Variants in ANKFN1 observed in about 807,000 individuals in gnomAD.
ANKFN1 encodes the protein ankyrin repeat and fibronectin type III domain containing 1, also known as ankyrin repeat and fibronectin type-III domain-containing protein 1.
ANKFN1 carries 74 observed loss-of-function variants against 108.7 expected under a neutral mutation model. The ratio of observed to expected loss-of-function variants is 0.68; its 90% CI spans 0.56 to 0.83. The LOEUF (loss-of-function observed/expected upper bound fraction) is 0.83, where lower values mean the gene tolerates loss of function less well. ANKFN1 is among the 40% of genes least tolerant of loss of function. The pLI, the probability that ANKFN1 is intolerant of heterozygous loss-of-function variation, is 0.00. For missense variants in ANKFN1, 1,505 were observed against 1,382.3 expected (o/e 1.09, Z -1.41); for synonymous variants, 547 against 516.2 (o/e 1.06, Z -0.81).
chr17:56,425,638 C>T (rs568559910), intron 8 of ANKFN1, among the ~76,000 whole-genome samples: 5 of 152,188 alleles, frequency 3.3e-5, no homozygotes, highest in Non-Finnish European at 5.9e-5. Context: ...ACCATGACTC[C>T]GTGCCTTTGC....
intron 3 of ANKFN1, among the ~76,000 whole-genome samples, chr17:56,314,583 G>A (rs2045143422): frequency 6.6e-6 from 1 of 152,100 alleles, no homozygotes; most frequent in Non-Finnish European, 1.5e-5. Flanking sequence ...CATTTGCAGG[G>A]TGACTACTAT....
chr17:56,250,538 A>G (rs1158742692), intron 3 of ANKFN1, among the ~76,000 whole-genome samples: 4 of 152,256 alleles, frequency 2.6e-5, no homozygotes, highest in Non-Finnish European at 5.9e-5. Context: ...GTAAATCACT[A>G]TCAATTTCTG....
chr17:56,387,001 A>G (rs1338276437), intron 8 of ANKFN1, among the ~76,000 whole-genome samples: 1 of 152,126 alleles, frequency 6.6e-6, no homozygotes, highest in Admixed American at 6.5e-5. Context: ...TGTTTAAATC[A>G]TGGTGATTAT....
At chr17:56,323,006 T>A (rs1326520125) in intron 3 of ANKFN1, among the ~76,000 whole-genome samples, 1 of 152,082 alleles carries the variant, frequency 6.6e-6, no homozygotes, top group Non-Finnish European at 1.5e-5. Context: ...GGGCTGGAGG[T>A]GTAGTGGCTG....
At chr17:56,266,307 A>C (rs1027466714) in intron 3 of ANKFN1, among the ~76,000 whole-genome samples, 4 of 152,162 alleles carry the variant, frequency 2.6e-5, no homozygotes, top group African/African-American at 9.7e-5. Context: ...TCCCAGACAC[A>C]TTGTTGTTGA....
At chr17:56,181,605 C>T (rs1911683146) in intron 1 of ANKFN1, among the ~76,000 whole-genome samples, 1 of 152,206 alleles carries the variant, frequency 6.6e-6, no homozygotes, top group Non-Finnish European at 1.5e-5. Flanking sequence ...GTAGACCAGT[C>T]AAGTGCAACT....
intron 4 of ANKFN1, among the ~76,000 whole-genome samples, chr17:56,127,236 T>G (rs184551854): frequency 1.3e-5 from 2 of 152,314 alleles, no homozygotes; most frequent in East Asian, 3.9e-4. Context: ...ACTAAATATA[T>G]TGTCCTCATA....
At chr17:56,419,871 T>C (rs1231282031) in intron 8 of ANKFN1, among the ~76,000 whole-genome samples, 1 of 152,082 alleles carries the variant, frequency 6.6e-6, no homozygotes, top group Non-Finnish European at 1.5e-5. Flanking sequence ...AATCTGATTT[T>C]GCTCTGTATA....
intron 4 of ANKFN1, among the ~76,000 whole-genome samples, chr17:56,074,288 G>A (rs1021023329): frequency 9.9e-5 from 15 of 152,262 alleles, no homozygotes; most frequent in South Asian, 2.1e-4. Context: ...GGGACCCAGC[G>A]GATATAACCT....
chr17:56,376,486 T>C (rs956634225), intron 8 of ANKFN1, among the ~76,000 whole-genome samples: 2 of 152,188 alleles, frequency 1.3e-5, no homozygotes, highest in African/African-American at 2.4e-5. Flanking sequence ...AGAGCAAGCA[T>C]TTCTGGGCAA....
At chr17:56,422,340 C>CCAAATATTTTGA (rs1277838933) in intron 8 of ANKFN1, among the ~76,000 whole-genome samples, 1 of 37,854 alleles carries the variant, frequency 2.6e-5, no homozygotes, top group Non-Finnish European at 5.4e-5. Flanking sequence ...TGGTTTTATA[C>CCAAATATTTTGA]CAAATATTTT....
intron 3 of ANKFN1, among the ~76,000 whole-genome samples, chr17:56,255,231 CA>C (rs539231539): frequency 9.0e-4 from 137 of 152,268 alleles, no homozygotes; most frequent in African/African-American, 2.9e-3. Flanking sequence ...GTCCTTGAAC[CA>C]GGGGCCCTCA....
intron 18 of ANKFN1, among the ~76,000 whole-genome samples, chr17:56,483,063 A>T (rs781408198): frequency 4.6e-5 from 7 of 152,204 alleles, no homozygotes; most frequent in Non-Finnish European, 1.0e-4. Flanking sequence ...AATAGACTCT[A>T]AATTTCTGAC....
chr17:56,415,954 AC>A (rs2048230691), intron 8 of ANKFN1, among the ~76,000 whole-genome samples: 1 of 152,210 alleles, frequency 6.6e-6, no homozygotes, highest in Non-Finnish European at 1.5e-5. Context: ...CCAAGAACGT[AC>A]ATTGGAGAAA....
intron 10 of ANKFN1, among the ~76,000 whole-genome samples, chr17:56,447,026 C>A (rs2049319065): frequency 6.6e-6 from 1 of 152,106 alleles, no homozygotes; most frequent in Non-Finnish European, 1.5e-5. Flanking sequence ...AGTTCGAGAC[C>A]AGCCTGGCCA....
intron 1 of ANKFN1, among the ~76,000 whole-genome samples, chr17:56,189,735 G>A (rs537977662): frequency 9.2e-5 from 14 of 152,222 alleles, no homozygotes; most frequent in African/African-American, 3.4e-4. Context: ...TCAGATATTA[G>A]GACTTGGACA....
intron 4 of ANKFN1, among the ~76,000 whole-genome samples, chr17:56,080,698 C>T (rs1372112682): frequency 6.6e-6 from 1 of 152,184 alleles, no homozygotes; most frequent in African/African-American, 2.4e-5. Flanking sequence ...AGTAAATTTT[C>T]GAGGTTGGCT....
intron 15 of ANKFN1, among the ~76,000 whole-genome samples, chr17:56,470,686 G>T (rs2050287273): frequency 6.6e-6 from 1 of 152,100 alleles, no homozygotes; most frequent in Non-Finnish European, 1.5e-5. Flanking sequence ...CAAAATCTGG[G>T]CCCATAAATA....
At chr17:56,179,744 T>C (rs146698919) in intron 1 of ANKFN1, among the ~76,000 whole-genome samples, 8 of 152,318 alleles carry the variant, frequency 5.3e-5, no homozygotes, top group African/African-American at 1.9e-4. Context: ...TCTACCTACA[T>C]AGGAGTTCTC....
Sources: allele counts gnomAD v4.1 joint callset (sites outside exome capture counted in the v4.1 genomes callset), GRCh38; gene constraint gnomAD v4.1.1; transcripts MANE v1.5; gene names NCBI Gene and HGNC (gene_info 2026-07-23, HGNC 2026-07-21).